Variants in CAMTA1 observed in about 807,000 individuals in gnomAD.
CAMTA1 encodes the protein calmodulin binding transcription activator 1.
In CAMTA1, 27 loss-of-function variants were observed where a neutral mutation model predicts 170.9. That is an observed-to-expected ratio of 0.16 (90% confidence interval 0.12 to 0.22). The LOEUF (loss-of-function observed/expected upper bound fraction) is 0.22, where lower values mean the gene tolerates loss of function less well. Ranked by LOEUF, CAMTA1 falls within the 10% of genes least tolerant of loss-of-function variation. CAMTA1 has a pLI of 1.00. For synonymous variants in CAMTA1, 833 were observed against 891.5 expected, an observed-to-expected ratio of 0.93 and a Z score of 1.17; for missense variants, 1,619 against 2,217.2, an observed-to-expected ratio of 0.73 and a Z score of 5.42.
At chr1:6,978,517 C>T (rs184176769) in intron 3 of CAMTA1, among the ~76,000 whole-genome samples, 27 of 152,070 alleles carry the variant, frequency 1.8e-4, no homozygotes, top group Non-Finnish European at 5.9e-5. Flanking sequence ...GCCTATAATC[C>T]CAGCTACTCG....
At chr1:6,997,414 T>A (rs1697438338) in intron 3 of CAMTA1, among the ~76,000 whole-genome samples, 1 of 152,132 alleles carries the variant, frequency 6.6e-6, no homozygotes, top group Non-Finnish European at 1.5e-5. Flanking sequence ...CTTTTCAGGA[T>A]CATGACATCT....
In CAMTA1 at chr1:7,435,455, C is replaced by G. The variant is rs532054956; in HGVS notation, c.439-32375C>G. ...GCTGGGTTCTTGCTCTGCTGCTATTCCTGTTTTGAAACAGAACCTTCCGGT... is the reference window on the plus strand; with the variant it reads ...GCTGGGTTCTTGCTCTGCTGCTATTGCTGTTTTGAAACAGAACCTTCCGGT... On this transcript the variant is annotated intron_variant, in intron 5 of 22. Transcript: ENST00000303635. The surrounding 1 kb of genome is among the most constrained non-coding windows in gnomAD (Gnocchi z 4.4). 1.3e-5 allele frequency among the ~76,000 whole-genome samples: 2 copies of G among 152,320 alleles called. No homozygotes were observed. The highest frequency in any genetic ancestry group is 4.8e-5 in the African/African-American group (2 of 41,582).
intron 7 of CAMTA1, among the ~76,000 whole-genome samples, chr1:7,648,388 C>T (rs2095823948): frequency 1.3e-5 from 2 of 148,414 alleles, no homozygotes; most frequent in East Asian, 1.9e-4. Context: ...TGAGACTCCA[C>T]CTCAAAAAAA....
chr1:7,072,089 G>A (rs1014153718), intron 3 of CAMTA1, among the ~76,000 whole-genome samples: 2 of 152,220 alleles, frequency 1.3e-5, no homozygotes, highest in Non-Finnish European at 2.9e-5. Flanking sequence ...ATGGAAATCA[G>A]CCCTATGACC....
chr1:7,494,609 G>A (rs1402640268), intron 6 of CAMTA1, among the ~76,000 whole-genome samples: 2 of 152,092 alleles, frequency 1.3e-5, no homozygotes, highest in African/African-American at 4.8e-5. Flanking sequence ...CTCAAGACCA[G>A]CCTGGTCAAT....
chr1:7,217,141 T>C (rs946754401), intron 4 of CAMTA1, among the ~76,000 whole-genome samples: 3 of 152,210 alleles, frequency 2.0e-5, no homozygotes, highest in African/African-American at 7.2e-5. Flanking sequence ...AATTAAATCA[T>C]GGGGACAGTT....
chr1:7,635,856 T>A lies in CAMTA1; in HGVS notation c.511-4544T>A, dbSNP rs937402686. Among the ~76,000 whole-genome samples, 1 of 152,176 alleles carries A rather than the reference T, an allele frequency of 6.6e-6. No homozygotes were observed. The highest frequency in any genetic ancestry group is 6.5e-5 in the Admixed American group (1 of 15,282). ...AAAAACACCCAATAAAATGTACAACTAATGAATAAAATTGCAACATTGCCA... is the reference window on the plus strand; with the variant it reads ...AAAAACACCCAATAAAATGTACAACAAATGAATAAAATTGCAACATTGCCA... On this transcript the variant is annotated intron_variant, in intron 6 of 22. Transcript: ENST00000303635. This position sits in a 1 kb window ranked among gnomAD's most constrained non-coding sequence, Gnocchi z 4.4.
intron 5 of CAMTA1, among the ~76,000 whole-genome samples, chr1:7,393,739 G>A (rs965351883): frequency 5.3e-5 from 8 of 152,006 alleles, no homozygotes; most frequent in African/African-American, 1.5e-4. Context: ...TAGCTATTTC[G>A]AAATATAGAA....
intron 5 of CAMTA1, among the ~76,000 whole-genome samples, chr1:7,276,289 ATATATATATATATATTTT>A (rs1286167850): frequency 3.7e-5 from 2 of 53,510 alleles, no homozygotes; most frequent in Admixed American, 2.3e-4. Flanking sequence ...ATATATATAT[ATATATATATATATATTTT>A]TTTTTTTTTT....
intron 4 of CAMTA1, among the ~76,000 whole-genome samples, chr1:7,191,444 G>A (rs1654508208): frequency 1.3e-5 from 2 of 152,172 alleles, no homozygotes; most frequent in Non-Finnish European, 2.9e-5. Flanking sequence ...TTTTCAAGAA[G>A]CGTTGTTTAG....
intron 5 of CAMTA1, among the ~76,000 whole-genome samples, chr1:7,391,086 C>A (rs556582941): frequency 6.6e-6 from 1 of 152,298 alleles, no homozygotes; most frequent in East Asian, 1.9e-4. Context: ...CAACCCCCAC[C>A]TCCCAGGTTC....
At chr1:7,280,640 A>G (rs1469609830) in intron 5 of CAMTA1, among the ~76,000 whole-genome samples, 1 of 152,252 alleles carries the variant, frequency 6.6e-6, no homozygotes, top group Admixed American at 6.5e-5. Context: ...AATTGACTGC[A>G]TCACCTTCTT....
In CAMTA1 at chr1:7,736,748, C is replaced by T. The variant is rs750911575; in HGVS notation, c.3264-183C>T. On this transcript the variant is annotated intron_variant, in intron 13 of 22. Coordinates refer to ENST00000303635, the MANE Select transcript of CAMTA1 (RefSeq NM_015215.4). The surrounding 1 kb of genome is among the most constrained non-coding windows in gnomAD (Gnocchi z 4.5). ...AGAGAGATAAGAATTAAATGTTGGA[C>T]TTGTCATTTTCTTTGGACCCCTAGC... Among the ~76,000 whole-genome samples the T allele has an allele frequency of 1.2e-4, 19 of 152,156 alleles. No homozygotes were observed. Among genetic ancestry groups the T allele is most frequent in the Non-Finnish European group, 1.9e-4 (13 of 68,030 alleles).
chr1:7,617,689 AC>A (rs1217186181), intron 6 of CAMTA1, among the ~76,000 whole-genome samples: 1 of 116,596 alleles, frequency 8.6e-6, no homozygotes, highest in African/African-American at 3.2e-5. Context: ...GGTCATGCAC[AC>A]CCACCCCCCC....
At chr1:6,935,566 G>A (rs1033865525) in intron 3 of CAMTA1, among the ~76,000 whole-genome samples, 1 of 152,188 alleles carries the variant, frequency 6.6e-6, no homozygotes, top group Non-Finnish European at 1.5e-5. Context: ...AGGAAATGGC[G>A]ATCTCCTCCA....
At chr1:7,600,313 C>CT (rs58288575) in intron 6 of CAMTA1, among the ~76,000 whole-genome samples, 28,906 of 151,924 alleles carry the variant, frequency 0.19, 3,513 homozygotes, top group African/African-American at 0.34. Flanking sequence ...GGTGGATAAG[C>CT]TTTTGATGTG....
At chr1:7,697,827 G>A (rs927870797) in intron 11 of CAMTA1, among the ~76,000 whole-genome samples, 1 of 152,202 alleles carries the variant, frequency 6.6e-6, no homozygotes, top group African/African-American at 2.4e-5. Flanking sequence ...TATCCTGGTA[G>A]CAAACACTGT....
At chr1:6,849,624 G>GA (rs200103300) in intron 3 of CAMTA1, among the ~76,000 whole-genome samples, 55 of 147,432 alleles carry the variant, frequency 3.7e-4, no homozygotes, top group Admixed American at 3.1e-3. Context: ...AAGTGTTAAG[G>GA]AAAAAAAAAA....
At position 7,585,861 on chromosome 1, in the gene CAMTA1, A is replaced by C. The variant is rs1576242043; in HGVS notation, c.511-54539A>C. Among the ~76,000 whole-genome samples, 1 of 148,830 alleles carries C rather than the reference A, an allele frequency of 6.7e-6. No homozygotes were observed. The highest frequency in any genetic ancestry group is 1.5e-5 in the Non-Finnish European group (1 of 67,278). On this transcript the variant is annotated intron_variant, in intron 6 of 22. Transcript: ENST00000303635. The surrounding 1 kb of genome is among the most constrained non-coding windows in gnomAD (Gnocchi z 4.8). ...TCAGCCCCCACCTCCCCTGCCTCCC[A>C]CCTCCCCTCTCGATGCGGCTTTCAT...
Sources: gnomAD v4.1 joint callset for allele counts (sites outside exome capture counted in the v4.1 genomes callset) on GRCh38, gnomAD v4.1.1 for gene constraint, Gnocchi (gnomAD v3.1) non-coding constraint, MANE v1.5 for transcripts, NCBI Gene and HGNC (gene_info 2026-07-23, HGNC 2026-07-21) for gene names.